LRRC8D: variants seen among roughly 807,000 people sequenced by gnomAD.
The protein encoded by LRRC8D is leucine rich repeat containing 8 VRAC subunit D, also known as volume-regulated anion channel subunit LRRC8D.
Under a neutral mutation model 55.8 loss-of-function variants are expected in LRRC8D, and 20 were observed. That is an observed-to-expected ratio of 0.36 (90% CI 0.25 to 0.52). LRRC8D has a LOEUF of 0.52. Ranked by LOEUF, LRRC8D falls within the 20% of genes least tolerant of loss-of-function variation. The pLI is 0.93. For missense variants in LRRC8D, 651 were observed against 1,030.8 expected, an observed-to-expected ratio of 0.63 and a Z score of 5.05; for synonymous variants, 352 against 377.0, an observed-to-expected ratio of 0.93 and a Z score of 0.77.
At chr1:89,920,001 T>C (rs1663371294) in intron 2 of LRRC8D, among the ~76,000 whole-genome samples, 1 of 152,108 alleles carries the variant, frequency 6.6e-6, no homozygotes, top group South Asian at 2.1e-4. Flanking sequence ...GAAACTGAGA[T>C]TGTATGGAAT....
At chr1:89,870,306 C>T (rs1207522748) in intron 2 of LRRC8D, among the ~76,000 whole-genome samples, 1 of 151,676 alleles carries the variant, frequency 6.6e-6, no homozygotes, top group Non-Finnish European at 1.5e-5. Context: ...GAAACCCTGT[C>T]TCTACTAAAA....
chr1:89,907,216 G>C (rs1427350811), intron 2 of LRRC8D, among the ~76,000 whole-genome samples: 9 of 91,326 alleles, frequency 9.9e-5, no homozygotes, highest in Admixed American at 3.5e-4. Context: ...TTTTGATACT[G>C]AGTCTCACTC....
At chr1:89,932,302 T>C (rs1663729465) in intron 2 of LRRC8D, among the ~76,000 whole-genome samples, 1 of 152,198 alleles carries the variant, frequency 6.6e-6, no homozygotes, top group Non-Finnish European at 1.5e-5. Context: ...TCTTGAGCTG[T>C]CTTCTCAATC....
intron 2 of LRRC8D, among the ~76,000 whole-genome samples, chr1:89,855,632 C>T (rs981129106): frequency 2.6e-5 from 4 of 152,150 alleles, no homozygotes; most frequent in Admixed American, 1.3e-4. Context: ...TAAAAATGCA[C>T]CCTTTTAGCT....
chr1:89,826,943 T>C (rs1222894689), intron 1 of LRRC8D, among the ~76,000 whole-genome samples: 2 of 152,172 alleles, frequency 1.3e-5, no homozygotes, highest in East Asian at 1.9e-4. Context: ...AGAATTTTCA[T>C]AGGATGGTGT....
chr1:89,827,281 C>T (rs966206321), intron 1 of LRRC8D, among the ~76,000 whole-genome samples: 5 of 144,760 alleles, frequency 3.5e-5, no homozygotes, highest in African/African-American at 1.3e-4. Flanking sequence ...ACTCAAGAGG[C>T]GGAGTTTGCA....
At chr1:89,850,841 A>T (rs1661397698) in intron 2 of LRRC8D, among the ~76,000 whole-genome samples, 1 of 152,178 alleles carries the variant, frequency 6.6e-6, no homozygotes, top group South Asian at 2.1e-4. Context: ...TATGATTGAT[A>T]CATTAATATA....
chr1:89,875,724 A>C (rs1445875802), intron 2 of LRRC8D, among the ~76,000 whole-genome samples: 1 of 152,174 alleles, frequency 6.6e-6, no homozygotes, highest in Non-Finnish European at 1.5e-5. Context: ...TTATTTATTT[A>C]ACAAACACTT....
intron 2 of LRRC8D, among the ~76,000 whole-genome samples, chr1:89,889,464 T>C (rs1662506207): frequency 6.6e-6 from 1 of 152,120 alleles, no homozygotes; most frequent in Admixed American, 6.5e-5. Flanking sequence ...TATATTTTTA[T>C]TGGTCTGTGA....
intron 2 of LRRC8D, among the ~76,000 whole-genome samples, chr1:89,903,364 G>A (rs1449327605): frequency 6.6e-6 from 1 of 152,106 alleles, no homozygotes; most frequent in Non-Finnish European, 1.5e-5. Context: ...TAATATATTA[G>A]GTTATATCTC....
intron 2 of LRRC8D, among the ~76,000 whole-genome samples, chr1:89,920,094 C>T (rs1663372765): frequency 6.6e-6 from 1 of 152,104 alleles, no homozygotes; most frequent in African/African-American, 2.4e-5. Context: ...CAAATGTGGG[C>T]CTTGACTTTT....
intron 2 of LRRC8D, among the ~76,000 whole-genome samples, chr1:89,918,120 C>T (rs1017918626): frequency 2.0e-5 from 3 of 152,130 alleles, no homozygotes; most frequent in Admixed American, 1.3e-4. Flanking sequence ...TTATAATGCC[C>T]GTATAAAATT....
At chr1:89,860,802 A>ATG (rs1557455387) in intron 2 of LRRC8D, among the ~76,000 whole-genome samples, 2 of 130,704 alleles carry the variant, frequency 1.5e-5, no homozygotes, top group Non-Finnish European at 3.2e-5. Context: ...ATATATATAT[A>ATG]TATATATACA....
Position 89,933,444 on chromosome 1 carries a change from G to T in LRRC8D, c.376G>T (p.Glu126Ter). 6.2e-7 allele frequency: 1 copy of T among 1,614,100 alleles called. No homozygotes were observed. Among genetic ancestry groups the T allele is most frequent in the Non-Finnish European group, 8.5e-7 (1 of 1,180,016 alleles). ...CACAGATTTCGCACTTCCAAATCAG[G>T]AGGCAAAGAAAGAGAAGAAAGATCC... is the stretch of plus-strand genomic sequence containing the variant. ...PRTDFALPNQ[E>*]AKKEKKDPTG... The change falls in exon 3 of 3, where the codon GAG becomes TAG. Residue 126 changes from glutamate to a stop codon, truncating the protein, a stop_gained. Transcript: ENST00000337338. LOFTEE classifies it high-confidence loss of function. This position sits in a 1 kb window ranked among gnomAD's most constrained non-coding sequence, Gnocchi z 7.0.
At chr1:89,859,458 A>G (rs144367067) in intron 2 of LRRC8D, among the ~76,000 whole-genome samples, 1 of 152,162 alleles carries the variant, frequency 6.6e-6, no homozygotes, top group East Asian at 1.9e-4. Context: ...TTGTTATAAC[A>G]TTTATCTGCC....
At chr1:89,923,406 C>T (rs1015901102) in intron 2 of LRRC8D, among the ~76,000 whole-genome samples, 1 of 152,180 alleles carries the variant, frequency 6.6e-6, no homozygotes, top group Admixed American at 6.5e-5. Context: ...GATCAAACCT[C>T]AAGATATGGA....
intron 2 of LRRC8D, chr1:89,846,460 ATGGAGT>A (rs886885412): frequency 6.6e-6 from 1 of 152,256 alleles, no homozygotes; most frequent in African/African-American, 2.4e-5. Flanking sequence ...GTATTAGTAA[ATGGAGT>A]TGTTGGGACC....
intron 2 of LRRC8D, among the ~76,000 whole-genome samples, chr1:89,859,486 G>T (rs958809667): frequency 2.0e-5 from 3 of 152,120 alleles, no homozygotes; most frequent in Non-Finnish European, 4.4e-5. Context: ...CTCAGGTATA[G>T]CTGTGAAAAT....
At position 89,935,489 on chromosome 1, in the gene LRRC8D, G is replaced by C. The variant is rs112202889; in HGVS notation, c.2421G>C (p.Gly807=). ...LSQLTQLELK[G]NCLDRLPAQL... ...AGCTCACTCAGCTGGAGCTGAAGGG[G>C]AACTGCTTGGACCGCCTGCCAGCCC... The change falls in exon 3 of 3, where the codon GGG becomes GGC. Residue 807 remains glycine, a synonymous_variant. Coordinates refer to ENST00000337338, the MANE Select transcript of LRRC8D (RefSeq NM_001134479.2). 6.2e-7 allele frequency: 1 copy of C among 1,614,252 alleles called. No homozygotes were observed. The highest frequency in any genetic ancestry group is 1.3e-5 in the African/African-American group (1 of 75,074).
Sources: gnomAD v4.1 joint callset for allele counts (sites outside exome capture counted in the v4.1 genomes callset) on GRCh38, gnomAD v4.1.1 for gene constraint, Gnocchi (gnomAD v3.1) non-coding constraint, MANE v1.5 for transcripts, NCBI Gene and HGNC (gene_info 2026-07-23, HGNC 2026-07-21) for gene names.